The following CHAT variants were observed in gnomAD, a reference collection of about 807,000 sequenced individuals.
CHAT encodes the protein acetyl CoA:choline O-acetyltransferase.
In CHAT, 61 loss-of-function variants were observed where a neutral mutation model predicts 76.9. That is an observed-to-expected ratio of 0.79 (90% CI 0.65 to 0.98). The LOEUF is 0.98. CHAT is among the 50% of genes least tolerant of loss of function. The pLI is 0.00. For missense variants in CHAT, 946 were observed against 986.9 expected (o/e 0.96, Z 0.56); for synonymous variants, 407 against 397.4 (o/e 1.02, Z -0.29).
Position 49,648,595 on chromosome 10 carries a change from T to C in CHAT, c.1370T>C (p.Leu457Pro), listed in dbSNP as rs1017227116. The C allele has an allele frequency of 6.2e-7, 1 of 1,612,490 alleles. No individual in the cohort carries two copies. Among genetic ancestry groups the C allele is most frequent in the African/African-American group, 1.3e-5 (1 of 74,888 alleles). ...GIVLVQCTEH[L>P]LKHVTQSSRK... ...GTCCTGGTGCAGTGCACTGAGCATC[T>C]GCTCAAGCACGTGTGAGTCTGGATC... The change falls in exon 9 of 15, where the codon CTG (leucine) becomes CCG (proline). Residue 457 changes from leucine to proline, a missense_variant. By Grantham distance (98) the Leu-to-Pro change is moderately conservative. Transcript: ENST00000337653.
Position 49,649,501 on chromosome 10 carries a change from C to T in CHAT, c.1383-7C>T, listed in dbSNP as rs1310961936. On this transcript the variant is annotated splice_region_variant and splice_polypyrimidine_tract_variant and intron_variant, in intron 9 of 14. Transcript: ENST00000337653. ...AGAGCCTCAGGAGGTTGCCTCTGTG[C>T]CCGCAGGACGCAGAGCAGCAGGAAG... 2 of 1,613,678 alleles carry T rather than the reference C, an allele frequency of 1.2e-6. No individual in the cohort carries two copies. The highest frequency in any genetic ancestry group is 1.3e-5 in the African/African-American group (1 of 74,944).
chr10:49,619,616 G>T, intron 2 of CHAT, 109 bp from the exon 3 acceptor site: 1 of 1,086,278 alleles, frequency 9.2e-7, no homozygotes, highest in East Asian at 2.5e-5. Context: ...GGGGTCCCAG[G>T]GTAGAGAACA....
upstream of CHAT, chr10:49,611,848 A>G (rs1238021488): frequency 3.1e-6 from 5 of 1,605,128 alleles, no homozygotes; most frequent in Non-Finnish European, 4.2e-6. Context: ...GATCGGCGCC[A>G]GCTCGTGCAT....
intron 4 of CHAT, 72 bp from the exon 5 acceptor site, chr10:49,622,025 G>T (rs1344128256): frequency 2.6e-6 from 4 of 1,533,414 alleles, no homozygotes; most frequent in South Asian, 1.1e-5. Context: ...AGGGAGGGGA[G>T]GCAGAAGGGA....
At chr10:49,623,127 A>C (rs1019106309) in intron 5 of CHAT, among the ~76,000 whole-genome samples, 7 of 152,040 alleles carry the variant, frequency 4.6e-5, no homozygotes, top group Non-Finnish European at 8.8e-5. Context: ...TTGTCTCCTC[A>C]TGGTGTGTCT....
chr10:49,630,994 T>C (rs1329986599), intron 7 of CHAT, among the ~76,000 whole-genome samples: 1 of 152,160 alleles, frequency 6.6e-6, no homozygotes, highest in Non-Finnish European at 1.5e-5. Context: ...GTTGAGCTCA[T>C]ATATGAAGGT....
chr10:49,626,886 G>T (rs982969233), intron 6 of CHAT, among the ~76,000 whole-genome samples: 1 of 152,248 alleles, frequency 6.6e-6, no homozygotes, highest in Non-Finnish European at 1.5e-5. Context: ...GCACATGTAG[G>T]TATACATGTG....
intron 10 of CHAT, 83 bp from the exon 11 acceptor site, chr10:49,651,801 A>G (rs1174022034): frequency 1.4e-6 from 2 of 1,422,880 alleles, no homozygotes; most frequent in African/African-American, 2.8e-5. Flanking sequence ...GACACAGACC[A>G]GGCTCTAGAA....
At chr10:49,635,486 G>A (rs1184962659) in intron 7 of CHAT, among the ~76,000 whole-genome samples, 3 of 152,160 alleles carry the variant, frequency 2.0e-5, no homozygotes, top group Non-Finnish European at 2.9e-5. Context: ...AGTATGTTTA[G>A]TTTTTTAAGA....
chr10:49,653,815 C>T (rs1472857640), intron 11 of CHAT, among the ~76,000 whole-genome samples: 1 of 152,252 alleles, frequency 6.6e-6, no homozygotes, highest in Non-Finnish European at 1.5e-5. Context: ...GGGGATGCCA[C>T]TAAGACCAGC....
rs141127966 is a variant in CHAT at position 49,662,699 on chromosome 10, C to T, written c.1894C>T (p.Arg632Trp). ...CCTGCTGGCACTGCGGGAGCTGGCC[C>T]GGGCCATGTGCAAGGAGCTGCCCGA... Reference protein sequence around the residue: ...NHLLALRELARAMCKELPEMF... With the variant: ...NHLLALRELAWAMCKELPEMF... Residue 632 changes from arginine to tryptophan, a missense_variant, in exon 14 of 15, where the codon CGG becomes TGG. Coordinates refer to ENST00000337653, the MANE Select transcript of CHAT (RefSeq NM_020549.5). 111 of 1,614,172 alleles carry T rather than the reference C, an allele frequency of 6.9e-5. No homozygotes were observed. The African/African-American group carries it at 8.3e-4, about 12-fold the overall frequency.
intron 7 of CHAT, among the ~76,000 whole-genome samples, chr10:49,628,949 C>A (rs769481075): frequency 1.3e-5 from 2 of 152,272 alleles, no homozygotes; most frequent in Non-Finnish European, 2.9e-5. Context: ...TGGTCTCTCT[C>A]TAGAAGGGTC....
chr10:49,664,946 T>C lies in CHAT; in HGVS notation c.2147T>C (p.Ile716Thr), dbSNP rs1419018923. The C allele has an allele frequency of 1.9e-5, 31 of 1,614,126 alleles. No individual in the cohort carries two copies. The highest frequency in any genetic ancestry group is 2.4e-5 in the Non-Finnish European group (28 of 1,180,050). The change falls in exon 15 of 15, where the codon ATT (isoleucine) becomes ACT (threonine). Residue 716 changes from isoleucine (I) to threonine (T), a missense_variant. By Grantham distance (89) the Ile-to-Thr change is moderately conservative. Transcript: ENST00000337653. ...KFAKAVEESL[I>T]DMRDLCSLLP... ...GCAAAAGCTGTGGAAGAAAGCCTCA[T>C]TGACATGAGAGACCTCTGCAGTCTG...
intron 10 of CHAT, among the ~76,000 whole-genome samples, chr10:49,651,097 G>A (rs1839861360): frequency 6.6e-6 from 1 of 152,110 alleles, no homozygotes; most frequent in Non-Finnish European, 1.5e-5. Context: ...GCCCATACAA[G>A]TGGGTGAGGC....
chr10:49,616,437 G>C (rs950965396), intron 1 of CHAT, 65 bp from the exon 2 acceptor site: 1 of 1,259,120 alleles, frequency 7.9e-7, no homozygotes, highest in Non-Finnish European at 1.1e-6. Context: ...GTTGGCGGGA[G>C]GTGGAGGGTT....
chr10:49,619,881 A>G lies in CHAT; in HGVS notation c.544A>G (p.Lys182Glu). 1 of 1,613,216 alleles carries G rather than the reference A, an allele frequency of 6.2e-7. No individual in the cohort carries two copies. The highest frequency in any genetic ancestry group is 8.5e-7 in the Non-Finnish European group (1 of 1,179,764). Residue 182 changes from lysine (K) to glutamate (E), a missense_variant, in exon 3 of 15, where the codon AAA becomes GAA. By Grantham distance (56) the Lys-to-Glu change is moderately conservative. Around this residue, in one of 3 missense-constraint regions of CHAT, gnomAD observed 548 missense variants for 516.2 expected, o/e 1.06. Transcript: ENST00000337653. ...PGGLGETLQQ[K>E]LLERQEKTAN... ...TGGCCTCGGCGAGACCCTGCAGCAG[A>G]AACTCCTGGAGCGGCAGGAGAAGAC...
chr10:49,611,014 G>C, upstream of CHAT: 1 of 1,613,754 alleles, frequency 6.2e-7, no homozygotes, highest in Non-Finnish European at 8.5e-7. Context: ...CAATGCCAGC[G>C]CCTACACGGC....
intron 5 of CHAT, 110 bp downstream of exon 5, chr10:49,622,260 G>A: frequency 2.5e-6 from 3 of 1,187,378 alleles, no homozygotes; most frequent in African/African-American, 1.5e-5. Context: ...CTGGCTCCTG[G>A]CACAGAGCAG....
At position 49,651,938 on chromosome 10, in the gene CHAT, A is replaced by G. The variant is rs74433353; in HGVS notation, c.1566A>G (p.Thr522=). Residue 522 remains threonine, a synonymous_variant, in exon 11 of 15, where the codon ACA becomes ACG. Transcript: ENST00000337653. ...IVYKFDNYGK[T]FIKKQKCSPD... ...ATAAGTTTGACAACTATGGGAAAAC[A>G]TTCATTAAGAAGCAGAAATGCAGCC... The G allele has an allele frequency of 2.5e-6, 4 of 1,614,228 alleles. No individual in the cohort carries two copies. The highest frequency in any genetic ancestry group is 1.3e-5 in the African/African-American group (1 of 75,076).
Sources: allele counts gnomAD v4.1 joint callset (sites outside exome capture counted in the v4.1 genomes callset), GRCh38; gene constraint gnomAD v4.1.1; regional missense constraint gnomAD v4.1.1; transcripts MANE v1.5; gene names NCBI Gene and HGNC (gene_info 2026-07-23, HGNC 2026-07-21).